Variants in RANBP17 observed in about 807,000 individuals in gnomAD.
The protein encoded by RANBP17 is ran-binding protein 17.
In RANBP17, 158 loss-of-function variants were observed where a neutral mutation model predicts 141.2. That is an observed-to-expected ratio of 1.12 (90% CI 0.98 to 1.28). The LOEUF is 1.28. Ranked by LOEUF, RANBP17 falls within the 50% of genes most tolerant of loss-of-function variation. RANBP17 has a pLI of 0.00. For missense variants in RANBP17, 1,438 were observed against 1,290.7 expected, an observed-to-expected ratio of 1.11 and a Z score of -1.75; for synonymous variants, 430 against 450.0, an observed-to-expected ratio of 0.96 and a Z score of 0.56.
At chr5:170,942,244 CA>C (rs1039119229) in intron 12 of RANBP17, among the ~76,000 whole-genome samples, 34 of 152,170 alleles carry the variant, frequency 2.2e-4, no homozygotes, top group African/African-American at 8.2e-4. Context: ...GTATTCCATG[CA>C]ACCTGTGCCT....
At chr5:171,110,727 G>A (rs954007395) in intron 14 of RANBP17, among the ~76,000 whole-genome samples, 3 of 152,084 alleles carry the variant, frequency 2.0e-5, no homozygotes, top group Non-Finnish European at 2.9e-5. Context: ...TTAAATTGTA[G>A]AAACGTGATG....
chr5:171,005,487 A>T (rs545934693), intron 14 of RANBP17, among the ~76,000 whole-genome samples: 6 of 152,364 alleles, frequency 3.9e-5, no homozygotes, highest in Non-Finnish European at 7.3e-5. Flanking sequence ...AAAACAAGAA[A>T]TGGGAAAAGG....
intron 14 of RANBP17, among the ~76,000 whole-genome samples, chr5:171,160,320 G>T (rs6873828): frequency 6.6e-6 from 1 of 152,026 alleles, no homozygotes; most frequent in Non-Finnish European, 1.5e-5. Context: ...TACTACTAAA[G>T]CTACTCACAT....
At chr5:170,947,133 A>C (rs1226114059) in intron 12 of RANBP17, among the ~76,000 whole-genome samples, 1 of 152,040 alleles carries the variant, frequency 6.6e-6, no homozygotes, top group African/African-American at 2.4e-5. Context: ...TTATTGGAGA[A>C]GTTGCTTTAA....
chr5:170,864,010 G>A lies in RANBP17; in HGVS notation c.18+1959G>A, dbSNP rs145167005. Among the ~76,000 whole-genome samples, 480 of 152,232 alleles carry A rather than the reference G, an allele frequency of 3.2e-3. 4 individuals carry two copies. Among genetic ancestry groups the A allele is most frequent in the African/African-American group, 0.011 (455 of 41,534 alleles). On this transcript the variant is annotated intron_variant, in intron 1 of 27. Transcript: ENST00000523189. The stretch of plus-strand genomic sequence containing the variant: ...CATATTGTTAATCAGTTAACTCAAG[G>A]AACATTTGTTAATAGTGATAACCAG...
chr5:170,888,211 A>G (rs988840247), intron 3 of RANBP17, among the ~76,000 whole-genome samples: 3 of 152,306 alleles, frequency 2.0e-5, no homozygotes, highest in South Asian at 4.1e-4. Context: ...TTGCCTCTCA[A>G]TATAACTTTT....
At chr5:170,979,195 A>G (rs2127546981) in intron 14 of RANBP17, among the ~76,000 whole-genome samples, 1 of 152,298 alleles carries the variant, frequency 6.6e-6, no homozygotes, top group South Asian at 2.1e-4. Flanking sequence ...TCTGGTTGAG[A>G]AGAGGAATGG....
At chr5:171,117,122 C>T (rs1755689794) in intron 14 of RANBP17, among the ~76,000 whole-genome samples, 1 of 152,154 alleles carries the variant, frequency 6.6e-6, no homozygotes. Flanking sequence ...CTGCAACAAA[C>T]ATGGCAGCGG....
At chr5:171,256,174 G>A (rs1765877882) in intron 24 of RANBP17, among the ~76,000 whole-genome samples, 1 of 152,120 alleles carries the variant, frequency 6.6e-6, no homozygotes, top group Non-Finnish European at 1.5e-5. Context: ...ATTTGACTGG[G>A]AGCTGAGAGG....
intron 9 of RANBP17, 88 bp downstream of exon 9, chr5:170,916,672 GATTC>G: frequency 1.3e-6 from 1 of 750,648 alleles, no homozygotes; most frequent in Non-Finnish European, 2.0e-6. Flanking sequence ...AATTTATTAT[GATTC>G]TGGAAGAAAA....
intron 24 of RANBP17, among the ~76,000 whole-genome samples, chr5:171,243,830 T>G (rs866676418): frequency 3.2e-4 from 49 of 152,204 alleles, no homozygotes; most frequent in African/African-American, 1.2e-3. Context: ...TCCCAGCACT[T>G]TGGGAGGCTG....
chr5:171,056,344 G>A (rs1453622713), intron 14 of RANBP17, among the ~76,000 whole-genome samples: 3 of 151,936 alleles, frequency 2.0e-5, no homozygotes, highest in Non-Finnish European at 4.4e-5. Context: ...TTTTAAAGAG[G>A]ATCAAAACAA....
At chr5:171,087,536 G>A (rs1358123845) in intron 14 of RANBP17, among the ~76,000 whole-genome samples, 10 of 151,944 alleles carry the variant, frequency 6.6e-5, no homozygotes, top group South Asian at 2.1e-4. Flanking sequence ...TTTCTGTCTT[G>A]TTGATCTGTC....
At chr5:171,203,137 A>G (rs924158135) in intron 19 of RANBP17, among the ~76,000 whole-genome samples, 1 of 152,218 alleles carries the variant, frequency 6.6e-6, no homozygotes, top group Non-Finnish European at 1.5e-5. Flanking sequence ...TAAAAATACA[A>G]GAGCCTGTCA....
intron 14 of RANBP17, among the ~76,000 whole-genome samples, chr5:170,972,954 G>A (rs966767262): frequency 6.6e-6 from 1 of 152,128 alleles, no homozygotes; most frequent in African/African-American, 2.4e-5. Context: ...CTTATAAAAT[G>A]AATTCTTGCT....
chr5:171,134,688 G>C (rs940734588), intron 14 of RANBP17, among the ~76,000 whole-genome samples: 1 of 152,174 alleles, frequency 6.6e-6, no homozygotes, highest in Non-Finnish European at 1.5e-5. Flanking sequence ...CCCAGGTCGA[G>C]GCAGGTGGAT....
At chr5:170,909,843 T>A in intron 6 of RANBP17, 78 bp downstream of exon 6, 1 of 801,596 alleles carries the variant, frequency 1.2e-6, no homozygotes, top group Non-Finnish European at 2.1e-6. Context: ...TTCAGTTGAA[T>A]TTTCCCCCCA....
chr5:171,243,029 G>T, intron 24 of RANBP17: 1 of 556,014 alleles, frequency 1.8e-6, no homozygotes, highest in Non-Finnish European at 3.2e-6. Context: ...CTTTACTGAG[G>T]TATAATTTAC....
intron 14 of RANBP17, among the ~76,000 whole-genome samples, chr5:171,019,294 C>G (rs1202513265): frequency 1.3e-5 from 2 of 152,196 alleles, no homozygotes; most frequent in African/African-American, 4.8e-5. Context: ...GAAGGAGTCC[C>G]TCCTTTTCAA....
Sources: gnomAD v4.1 joint callset for allele counts (sites outside exome capture counted in the v4.1 genomes callset) on GRCh38, gnomAD v4.1.1 for gene constraint, MANE v1.5 for transcripts, NCBI Gene and HGNC (gene_info 2026-07-23, HGNC 2026-07-21) for gene names.